The following RALB variants were observed in gnomAD, a reference collection of about 807,000 sequenced individuals.
The protein encoded by RALB is RAS like proto-oncogene B, also known as ras-related protein Ral-B.
A neutral mutation model predicts 21.3 loss-of-function variants in RALB; 16 were observed. That is an observed-to-expected ratio of 0.75 (90% CI 0.51 to 1.14). The LOEUF (loss-of-function observed/expected upper bound fraction) is 1.14, where lower values mean the gene tolerates loss of function less well. Ranked by LOEUF, RALB falls within the 50% of genes most tolerant of loss-of-function variation. The pLI is 0.00. For missense variants in RALB, 161 were observed against 256.2 expected (o/e 0.63, Z 2.54); for synonymous variants, 93 against 96.1 (o/e 0.97, Z 0.19).
chr2:120,261,056 C>T (rs780669736), intron 1 of RALB, among the ~76,000 whole-genome samples: 4 of 152,258 alleles, frequency 2.6e-5, no homozygotes, highest in East Asian at 1.9e-4. Flanking sequence ...TCAGAATATG[C>T]GTTTTCACAA....
rs1246263634 is a variant in RALB, at chr2:120,274,374, G to T, written c.-47-4244G>T. 4.6e-5 allele frequency among the ~76,000 whole-genome samples: 7 copies of T among 152,066 alleles called. 1 individual carries two copies. Among genetic ancestry groups the T allele is most frequent in the Admixed American group, 2.6e-4 (4 of 15,256 alleles). On this transcript the variant is annotated intron_variant, in intron 1 of 4. Coordinates refer to ENST00000272519, the MANE Select transcript of RALB (RefSeq NM_002881.3). ...AAAAAGTACGTAATTTGCAAAGGGG[G>T]AGTGGAAAGAACGCCTGGTGTAGGC...
rs755448540 is a variant in RALB, at chr2:120,289,659, C to T, written c.403C>T (p.Arg135Trp). ...GGGAAACAAGTCTGACCTAGAGGAG[C>T]GGAGGCAGGTGCCTGTGGAGGAGGC... ...VVGNKSDLEERRQVPVEEARS... is the reference protein window; with the variant it reads ...VVGNKSDLEEWRQVPVEEARS... The change falls in exon 4 of 5, where the codon CGG becomes TGG. Residue 135 changes from arginine (R) to tryptophan (W), a missense_variant. Transcript: ENST00000272519. 5.6e-6 allele frequency: 9 copies of T among 1,614,074 alleles called. No individual in the cohort carries two copies. The highest frequency in any genetic ancestry group is 6.8e-6 in the Non-Finnish European group (8 of 1,180,002).
chr2:120,249,640 T>C (rs1398174171), upstream of RALB, among the ~76,000 whole-genome samples: 2 of 152,132 alleles, frequency 1.3e-5, no homozygotes, highest in African/African-American at 4.8e-5. Context: ...CACTAAGCCA[T>C]TCATGAGGGA....
intron 1 of RALB, among the ~76,000 whole-genome samples, chr2:120,269,991 G>A (rs756351321): frequency 3.9e-5 from 6 of 152,090 alleles, no homozygotes; most frequent in Non-Finnish European, 7.4e-5. Flanking sequence ...TTGACTACTA[G>A]AGAAATTGGG....
At chr2:120,274,888 A>G (rs1689751335) in intron 1 of RALB, among the ~76,000 whole-genome samples, 1 of 152,070 alleles carries the variant, frequency 6.6e-6, no homozygotes, top group Non-Finnish European at 1.5e-5. Flanking sequence ...TGTTACTGCC[A>G]TTGACTCTCA....
At chr2:120,273,042 C>T (rs570304823) in intron 1 of RALB, among the ~76,000 whole-genome samples, 33 of 152,284 alleles carry the variant, frequency 2.2e-4, no homozygotes, top group Admixed American at 4.6e-4. Flanking sequence ...TGTCATCGCC[C>T]GTTGGGTCTT....
chr2:120,249,577 A>C (rs1689022128), upstream of RALB, among the ~76,000 whole-genome samples: 1 of 152,006 alleles, frequency 6.6e-6, no homozygotes, highest in African/African-American at 2.4e-5. Flanking sequence ...ACTCTTAAAC[A>C]ACCAGACCTT....
At chr2:120,264,778 C>G (rs11885595) in intron 1 of RALB, among the ~76,000 whole-genome samples, 36,178 of 152,102 alleles carry the variant, frequency 0.24, 6,720 homozygotes, top group African/African-American at 0.52. Flanking sequence ...CCCCCACCCC[C>G]TGGCAGCCGC....
chr2:120,269,584 C>A (rs1457927188), intron 1 of RALB, among the ~76,000 whole-genome samples: 1 of 152,164 alleles, frequency 6.6e-6, no homozygotes, highest in Non-Finnish European at 1.5e-5. Context: ...CTCTAGCCAG[C>A]CACAGAGCGC....
chr2:120,256,005 T>C (rs1172162006), intron 1 of RALB, among the ~76,000 whole-genome samples: 2 of 152,224 alleles, frequency 1.3e-5, no homozygotes, highest in Admixed American at 1.3e-4. Flanking sequence ...TGCCTACCTT[T>C]TGAATGAGTT....
chr2:120,270,806 A>T (rs1024844704), intron 1 of RALB, among the ~76,000 whole-genome samples: 4 of 151,858 alleles, frequency 2.6e-5, no homozygotes, highest in Non-Finnish European at 5.9e-5. Flanking sequence ...TGGATTCCTA[A>T]TTTTTCAGGG....
intron 1 of RALB, chr2:120,253,575 G>C (rs960581631): frequency 3.0e-6 from 3 of 985,522 alleles, no homozygotes; most frequent in Admixed American, 6.1e-5. Context: ...GGGCATCGCC[G>C]TCCCGGTTCT....
chr2:120,278,034 A>G (rs560817277), intron 1 of RALB, among the ~76,000 whole-genome samples: 1 of 56,778 alleles, frequency 1.8e-5, no homozygotes, highest in African/African-American at 8.7e-5. Flanking sequence ...TGAATGTGAG[A>G]GCGTGAGTGT....
chr2:120,280,879 C>A, intron 2 of RALB: 1 of 440,978 alleles, frequency 2.3e-6, no homozygotes, highest in Admixed American at 2.6e-5. Flanking sequence ...AAGTATACAG[C>A]AAACAAAAAA....
chr2:120,275,686 A>G (rs895313901), intron 1 of RALB, among the ~76,000 whole-genome samples: 7 of 152,098 alleles, frequency 4.6e-5, no homozygotes, highest in Admixed American at 6.5e-5. Flanking sequence ...TTTTCAGGCT[A>G]TCTCGTCAGC....
intron 1 of RALB, among the ~76,000 whole-genome samples, chr2:120,260,513 C>T (rs1470492938): frequency 6.6e-6 from 1 of 152,260 alleles, no homozygotes; most frequent in African/African-American, 2.4e-5. Context: ...GTTGTCTGTA[C>T]AGCCACTGGG....
intron 3 of RALB, 57 bp downstream of exon 3, chr2:120,286,139 T>C (rs572677398): frequency 9.7e-5 from 141 of 1,458,080 alleles, no homozygotes; most frequent in Middle Eastern, 1.9e-4. Flanking sequence ...TTTTCTCATA[T>C]GTCTTAGGCC....
upstream of RALB, among the ~76,000 whole-genome samples, chr2:120,249,798 C>T (rs1189080864): frequency 6.6e-6 from 1 of 152,220 alleles, no homozygotes; most frequent in Non-Finnish European, 1.5e-5. Flanking sequence ...AAATTTCAAA[C>T]TCCTCTGTAT....
At chr2:120,252,812 G>C (rs1689085840), upstream of RALB, 1 of 985,528 alleles carries the variant, frequency 1.0e-6, no homozygotes, top group South Asian at 4.7e-5. Flanking sequence ...TCGAGAGGAG[G>C]GGTTGCCTAG....
Sources: gnomAD v4.1 joint callset for allele counts (sites outside exome capture counted in the v4.1 genomes callset) on GRCh38, gnomAD v4.1.1 for gene constraint, MANE v1.5 for transcripts, NCBI Gene and HGNC (gene_info 2026-07-23, HGNC 2026-07-21) for gene names.